DNTT: variants seen among roughly 807,000 people sequenced by gnomAD.
The protein encoded by DNTT is DNA nucleotidylexotransferase.
In DNTT, 47 loss-of-function variants were observed where a neutral mutation model predicts 60.9. The observed-to-expected ratio is 0.77, with a 90% CI of 0.61 to 0.98. The LOEUF is 0.98. DNTT is among the 50% of genes least tolerant of loss of function. The pLI is 0.00. For missense variants in DNTT, 665 were observed against 627.5 expected, an observed-to-expected ratio of 1.06 and a Z score of -0.64; for synonymous variants, 224 against 221.2, an observed-to-expected ratio of 1.01 and a Z score of -0.11.
At position 96,309,345 on chromosome 10, in the gene DNTT, C is replaced by T. The variant is rs562501034; in HGVS notation, c.203+4645C>T. On this transcript the variant is annotated intron_variant, in intron 1 of 10. Coordinates refer to ENST00000371174, the MANE Select transcript of DNTT (RefSeq NM_004088.4). ...TGTGGAGACACAAAATAGTGGAAGA[C>T]ATGAGTCCTGCAAACAAGGAGTTTA... 2.6e-5 allele frequency among the ~76,000 whole-genome samples: 4 copies of T among 152,106 alleles called. No individual in the cohort carries two copies. The South Asian group carries it at 8.3e-4, about 32-fold the overall frequency.
rs1845097222 is a variant in DNTT at position 96,338,314 on chromosome 10, G to A, written c.*90G>A. On this transcript the variant is annotated 3_prime_UTR_variant, in exon 11 of 11. Transcript: ENST00000371174. ...AAAAGATGCCATAGGAGAGTTTGGG[G>A]TTATTTAGGTCTTATTGAAATGCAG... is the stretch of plus-strand genomic sequence containing the variant. 1.7e-6 allele frequency: 2 copies of A among 1,201,682 alleles called. No homozygotes were observed. The highest frequency in any genetic ancestry group is 3.0e-5 in the South Asian group (2 of 66,798). 74.4% of individuals were successfully genotyped at this position (1,201,682 alleles called of 1,614,324 possible).
At chr10:96,314,121 G>A (rs1008091691) in intron 1 of DNTT, among the ~76,000 whole-genome samples, 1 of 152,190 alleles carries the variant, frequency 6.6e-6, no homozygotes, top group Non-Finnish European at 1.5e-5. Context: ...TGTGGCAGCA[G>A]CAAGGCAATA....
At chr10:96,307,929 C>A (rs752971959) in intron 1 of DNTT, among the ~76,000 whole-genome samples, 1 of 151,530 alleles carries the variant, frequency 6.6e-6, no homozygotes, top group Non-Finnish European at 1.5e-5. Context: ...GGGCCATGCC[C>A]GGCTAATTTT....
intron 1 of DNTT, among the ~76,000 whole-genome samples, chr10:96,312,118 G>A (rs1486914549): frequency 2.6e-5 from 4 of 152,108 alleles, no homozygotes; most frequent in East Asian, 1.9e-4. Flanking sequence ...ATTATGTCAC[G>A]TACCTGCAGA....
At chr10:96,330,502 A>C (rs1423894845) in intron 8 of DNTT, among the ~76,000 whole-genome samples, 2 of 152,152 alleles carry the variant, frequency 1.3e-5, no homozygotes, top group East Asian at 3.9e-4. Flanking sequence ...GGAGCTGGTG[A>C]TTCGAGGTTA....
chr10:96,310,299 G>A (rs1434234060), intron 1 of DNTT, among the ~76,000 whole-genome samples: 4 of 152,070 alleles, frequency 2.6e-5, no homozygotes, highest in Non-Finnish European at 5.9e-5. Context: ...TTAATCTTTG[G>A]CAATGTTCTA....
chr10:96,329,787 C>A (rs1844984426), intron 8 of DNTT, among the ~76,000 whole-genome samples: 1 of 152,106 alleles, frequency 6.6e-6, no homozygotes, highest in Non-Finnish European at 1.5e-5. Context: ...GGGATCCTGG[C>A]TAGAGAGCCT....
intron 1 of DNTT, among the ~76,000 whole-genome samples, chr10:96,305,041 A>G (rs1461555072): frequency 6.6e-6 from 1 of 152,224 alleles, no homozygotes; most frequent in Non-Finnish European, 1.5e-5. Flanking sequence ...ATTTGAACAA[A>G]GTATCACTGG....
chr10:96,338,078 T>A, intron 10 of DNTT, 60 bp from the exon 11 acceptor site: 1 of 1,460,864 alleles, frequency 6.8e-7, no homozygotes, highest in South Asian at 1.2e-5. Flanking sequence ...TTTCACTGTG[T>A]CCACACCATG....
In DNTT at chr10:96,304,654, A is replaced by G. The variant is rs769236818; in HGVS notation, c.157A>G (p.Met53Val). Residue 53 changes from methionine to valine, a missense_variant, in exon 1 of 11, where the codon ATG (methionine) becomes GTG (valine). Coordinates refer to ENST00000371174, the MANE Select transcript of DNTT (RefSeq NM_004088.4). ...GGGAACCACCCGCAGAGCGTTCCTC[A>G]TGGAGCTGGCCCGCAGGAAAGGGTT... ...KMGTTRRAFLMELARRKGFRV... is the reference protein window; with the variant it reads ...KMGTTRRAFLVELARRKGFRV... 5 of 1,614,046 alleles carry G rather than the reference A, an allele frequency of 3.1e-6. No individual in the cohort carries two copies. The highest frequency in any genetic ancestry group is 1.1e-5 in the South Asian group (1 of 91,090).
chr10:96,311,104 AG>A (rs1844709567), intron 1 of DNTT, among the ~76,000 whole-genome samples: 1 of 152,236 alleles, frequency 6.6e-6, no homozygotes, highest in African/African-American at 2.4e-5. Flanking sequence ...TAGTGGTGCT[AG>A]GTGCTAGTAA....
In DNTT at chr10:96,322,685, A is replaced by G; in HGVS notation, c.707A>G (p.Glu236Gly). The G allele has an allele frequency of 1.2e-6, 2 of 1,603,642 alleles. No homozygotes were observed. Among genetic ancestry groups the G allele is most frequent in the Non-Finnish European group, 1.7e-6 (2 of 1,172,414 alleles). Residue 236 changes from glutamate to glycine, a missense_variant, in exon 5 of 11, where the codon GAA becomes GGA. Physicochemically the swap from Glu to Gly is moderately conservative, Grantham distance 98. Transcript: ENST00000371174. The stretch of plus-strand genomic sequence containing the variant: ...ATTATTGAAGATGGAGAAAGTTCTG[A>G]AGTTAAAGCTGTGTTAAATGATGAA... ...EEIIEDGESS[E>G]VKAVLNDERY...
chr10:96,319,202 G>A lies in DNTT; in HGVS notation c.379-60G>A, dbSNP rs79249851. The A allele has an allele frequency of 1.5e-3, 2,416 of 1,560,646 alleles. 29 individuals are homozygous for A. The African/African-American group carries it at 0.028, about 18-fold the overall frequency. On this transcript the variant is annotated intron_variant, in intron 2 of 10. Coordinates refer to ENST00000371174, the MANE Select transcript of DNTT (RefSeq NM_004088.4). ...AGACAACTACTTCCAAATTTTTTCCGTACATATCTGTTATTACTATTAATT... is the reference window on the plus strand; with the variant it reads ...AGACAACTACTTCCAAATTTTTTCCATACATATCTGTTATTACTATTAATT...
At chr10:96,314,425 T>TTTTTTTTTTC (rs1844760008) in intron 1 of DNTT, among the ~76,000 whole-genome samples, 1 of 128,254 alleles carries the variant, frequency 7.8e-6, no homozygotes, top group Non-Finnish European at 1.6e-5. Flanking sequence ...TTTTTTTTTT[T>TTTTTTTTTTC]TTTTTGAGAT....
At chr10:96,310,806 A>C (rs1427451082) in intron 1 of DNTT, among the ~76,000 whole-genome samples, 2 of 152,172 alleles carry the variant, frequency 1.3e-5, no homozygotes, top group African/African-American at 4.8e-5. Flanking sequence ...AGCCCAAGGA[A>C]CTTGTGTTTA....
chr10:96,327,433 C>A, intron 6 of DNTT, 35 bp from the exon 7 acceptor site: 1 of 1,613,924 alleles, frequency 6.2e-7, no homozygotes, highest in South Asian at 1.1e-5. Context: ...ACACACGTGT[C>A]ACTCTCTCCA....
chr10:96,317,534 C>T (rs562566859), intron 1 of DNTT, among the ~76,000 whole-genome samples: 44 of 152,204 alleles, frequency 2.9e-4, no homozygotes, highest in African/African-American at 9.6e-4. Context: ...ATTTGTGTCA[C>T]CCCAAAATTC....
chr10:96,332,737 G>C, intron 9 of DNTT, 141 bp downstream of exon 9: 1 of 1,288,256 alleles, frequency 7.8e-7, no homozygotes, highest in South Asian at 1.4e-5. Flanking sequence ...TCTAACTCAA[G>C]GCATCCTGTC....
chr10:96,305,323 G>A (rs1001123100), intron 1 of DNTT, among the ~76,000 whole-genome samples: 2 of 152,190 alleles, frequency 1.3e-5, no homozygotes, highest in Non-Finnish European at 1.5e-5. Flanking sequence ...TGAGTGAGAT[G>A]TAATCAGAGC....
Sources: gnomAD v4.1 joint callset for allele counts (sites outside exome capture counted in the v4.1 genomes callset) on GRCh38, gnomAD v4.1.1 for gene constraint, MANE v1.5 for transcripts, NCBI Gene and HGNC (gene_info 2026-07-23, HGNC 2026-07-21) for gene names.